Variants in SLC16A10 observed in about 807,000 individuals in gnomAD.
SLC16A10 encodes the protein solute carrier family 16 member 10.
A neutral mutation model predicts 40.0 loss-of-function variants in SLC16A10; 27 were observed. That is an observed-to-expected ratio of 0.67 (90% confidence interval 0.50 to 0.93). The LOEUF (loss-of-function observed/expected upper bound fraction) is 0.93. Ranked by LOEUF, SLC16A10 falls within the 40% of genes least tolerant of loss-of-function variation. The probability of loss-of-function intolerance (pLI) is 0.00; values close to 1 mark genes in which losing one functional copy is unlikely to be tolerated. For missense variants in SLC16A10, 529 were observed against 658.2 expected, an observed-to-expected ratio of 0.80 and a Z score of 2.15; for synonymous variants, 213 against 249.8, an observed-to-expected ratio of 0.85 and a Z score of 1.39.
intron 1 of SLC16A10, among the ~76,000 whole-genome samples, chr6:111,156,780 G>C (rs1583333367): frequency 1.3e-5 from 2 of 152,218 alleles, no homozygotes; most frequent in African/African-American, 4.8e-5. Context: ...ATCAATAGTA[G>C]TTCATTAATT....
chr6:111,187,238 G>C (rs1461886159), intron 3 of SLC16A10, among the ~76,000 whole-genome samples: 1 of 152,114 alleles, frequency 6.6e-6, no homozygotes, highest in Non-Finnish European at 1.5e-5. Flanking sequence ...TGGAGTCTCA[G>C]GACCACTGTG....
rs560121282 is a variant in SLC16A10, at chr6:111,143,510, A to T, written c.344-29185A>T. 6.5e-4 allele frequency among the ~76,000 whole-genome samples: 99 copies of T among 152,108 alleles called. No individual in the cohort carries two copies. In the South Asian group the frequency reaches 8.5e-3, roughly 13 times the overall value. The stretch of plus-strand genomic sequence containing the variant: ...AGTAGGAGCCCAGCTAATTTTTTTT[A>T]AAATTTTTGTAGAGATGGAGCCTTG... On this transcript the variant is annotated intron_variant, in intron 1 of 5. Coordinates refer to ENST00000368851, the MANE Select transcript of SLC16A10 (RefSeq NM_018593.5).
intron 3 of SLC16A10, among the ~76,000 whole-genome samples, chr6:111,186,421 A>G (rs1772898716): frequency 6.6e-6 from 1 of 152,204 alleles, no homozygotes; most frequent in Non-Finnish European, 1.5e-5. Context: ...TAGAAAATAA[A>G]TTGTTTTGAT....
At chr6:111,095,033 G>A (rs751946860) in intron 1 of SLC16A10, among the ~76,000 whole-genome samples, 2 of 152,114 alleles carry the variant, frequency 1.3e-5, no homozygotes, top group Non-Finnish European at 2.9e-5. Context: ...TAAAAGATTG[G>A]ACCATATGAT....
chr6:111,229,167 T>C lies in SLC16A10; in HGVS notation c.*6932T>C, dbSNP rs1771062324. On this transcript the variant is annotated 3_prime_UTR_variant, in exon 6 of 6. Transcript: ENST00000368851. Reference sequence around the variant, plus strand: ...ATACTTCATGTTCCTTTCAAAATTATTTTTCTTTTAAAAATATTAATATAC... The same window carrying C: ...ATACTTCATGTTCCTTTCAAAATTACTTTTCTTTTAAAAATATTAATATAC... 1 of 152,136 alleles carries C rather than the reference T, an allele frequency of 6.6e-6. No homozygotes were observed. The highest frequency in any genetic ancestry group is 2.4e-5 in the African/African-American group (1 of 41,438). 9.4% of individuals were successfully genotyped at this position (152,136 alleles called of 1,614,324 possible). A position where few individuals can be genotyped will look rare whatever the true frequency, so the allele number is the denominator to read the frequency against.
At chr6:111,129,312 T>A (rs1771740467) in intron 1 of SLC16A10, among the ~76,000 whole-genome samples, 1 of 152,222 alleles carries the variant, frequency 6.6e-6, no homozygotes, top group Non-Finnish European at 1.5e-5. Flanking sequence ...GGTTTGGAAC[T>A]GATGTGAAAC....
chr6:111,100,986 CTCTCTCTATATA>C (rs1294805975), intron 1 of SLC16A10, among the ~76,000 whole-genome samples: 181 of 89,344 alleles, frequency 2.0e-3, no homozygotes, highest in African/African-American at 4.5e-3. Context: ...CTCTCTCTCT[CTCTCTCTATATA>C]TATATATATA....
chr6:111,154,139 T>C (rs938613791), intron 1 of SLC16A10, among the ~76,000 whole-genome samples: 2 of 152,256 alleles, frequency 1.3e-5, no homozygotes, highest in Non-Finnish European at 2.9e-5. Flanking sequence ...CATTATCTTA[T>C]ATAAGAACCT....
intron 1 of SLC16A10, among the ~76,000 whole-genome samples, chr6:111,102,488 A>C (rs1043248652): frequency 6.6e-6 from 1 of 152,218 alleles, no homozygotes; most frequent in African/African-American, 2.4e-5. Context: ...TATATATAAT[A>C]TTTGAAAATA....
chr6:111,132,970 A>G (rs988415813), intron 1 of SLC16A10, among the ~76,000 whole-genome samples: 2 of 152,230 alleles, frequency 1.3e-5, no homozygotes, highest in Non-Finnish European at 2.9e-5. Flanking sequence ...CTCAATCTCA[A>G]TCCTGACTCA....
intron 3 of SLC16A10, among the ~76,000 whole-genome samples, chr6:111,191,681 G>A (rs1489766042): frequency 1.3e-5 from 2 of 152,126 alleles, no homozygotes; most frequent in African/African-American, 2.4e-5. Flanking sequence ...TCCAGCATCT[G>A]TTGTTTCCTG....
At chr6:111,173,986 T>C (rs934519019) in intron 2 of SLC16A10, among the ~76,000 whole-genome samples, 1 of 152,130 alleles carries the variant, frequency 6.6e-6, no homozygotes, top group Non-Finnish European at 1.5e-5. Flanking sequence ...AAAGACACAG[T>C]GCACTGAAGA....
intron 1 of SLC16A10, among the ~76,000 whole-genome samples, chr6:111,098,607 G>C (rs1216390950): frequency 6.6e-6 from 1 of 152,208 alleles, no homozygotes; most frequent in Admixed American, 6.5e-5. Flanking sequence ...TGACTTTTCT[G>C]TGTAGATAAG....
Position 111,222,539 on chromosome 6 carries a change from A to C in SLC16A10, c.*304A>C, listed in dbSNP as rs906520951. On this transcript the variant is annotated 3_prime_UTR_variant, in exon 6 of 6. Transcript: ENST00000368851. ...AAACTGTGAATGATCTTTAGCTTGTACAAATGTTTAAAAATACCTCAGGCT... is the reference window on the plus strand; with the variant it reads ...AAACTGTGAATGATCTTTAGCTTGTCCAAATGTTTAAAAATACCTCAGGCT... 7.4e-6 allele frequency: 2 copies of C among 272,106 alleles called. No homozygotes were observed. The highest frequency in any genetic ancestry group is 1.4e-5 in the Non-Finnish European group (2 of 147,394). 16.9% of individuals were successfully genotyped at this position (272,106 alleles called of 1,614,324 possible).
At chr6:111,161,222 CAAAAA>C (rs57463212) in intron 1 of SLC16A10, among the ~76,000 whole-genome samples, 2 of 42,424 alleles carry the variant, frequency 4.7e-5, no homozygotes, top group Non-Finnish European at 4.0e-5. Context: ...GACAGTGTCT[CAAAAA>C]AAAAAAAAAA....
chr6:111,108,274 C>T (rs1771320401), intron 1 of SLC16A10, among the ~76,000 whole-genome samples: 2 of 152,170 alleles, frequency 1.3e-5, no homozygotes, highest in Non-Finnish European at 2.9e-5. Flanking sequence ...CCTGTCTCGG[C>T]CTTCCAAAGT....
chr6:111,156,350 A>G (rs1398016189), intron 1 of SLC16A10, among the ~76,000 whole-genome samples: 1 of 152,224 alleles, frequency 6.6e-6, no homozygotes. Context: ...GGAAAAGAAG[A>G]CAACTTCACA....
chr6:111,183,069 C>T (rs1163735261), intron 3 of SLC16A10, among the ~76,000 whole-genome samples: 1 of 152,178 alleles, frequency 6.6e-6, no homozygotes, highest in African/African-American at 2.4e-5. Flanking sequence ...GCTCAGAATC[C>T]TTCAATGGCT....
intron 1 of SLC16A10, among the ~76,000 whole-genome samples, chr6:111,168,522 C>A (rs1294383276): frequency 1.3e-5 from 2 of 152,096 alleles, no homozygotes. Flanking sequence ...GAACAACAGT[C>A]CATTTTATTT....
Sources: gnomAD v4.1 joint callset for allele counts (sites outside exome capture counted in the v4.1 genomes callset) on GRCh38, gnomAD v4.1.1 for gene constraint, MANE v1.5 for transcripts, NCBI Gene and HGNC (gene_info 2026-07-23, HGNC 2026-07-21) for gene names.